The following NSD1 variants were observed in gnomAD, a reference collection of about 807,000 sequenced individuals.
NSD1 encodes nuclear receptor binding SET domain protein 1, also known as histone-lysine N-methyltransferase, H3 lysine-36 specific.
Under a neutral mutation model 242.7 loss-of-function variants are expected in NSD1, and 26 were observed. That is an observed-to-expected ratio of 0.11 (90% CI 0.08 to 0.15). The LOEUF is 0.15. Among genes scored for constraint, NSD1 ranks in the 10% least tolerant of loss-of-function variants. The pLI is 1.00. For missense variants in NSD1, 2,495 were observed against 3,272.8 expected (o/e 0.76, Z 5.80); for synonymous variants, 1,106 against 1,178.1 (o/e 0.94, Z 1.25).
chr5:177,240,509 C>T (rs866720943), intron 8 of NSD1, among the ~76,000 whole-genome samples: 2 of 151,914 alleles, frequency 1.3e-5, no homozygotes, highest in East Asian at 1.9e-4. Context: ...GTCAGGATAT[C>T]GAGACCATCC....
chr5:177,292,515 C>T (rs1342615959), intron 22 of NSD1, among the ~76,000 whole-genome samples: 1 of 152,102 alleles, frequency 6.6e-6, no homozygotes, highest in East Asian at 1.9e-4. Flanking sequence ...GGATTGAGAG[C>T]TGGGTTTTTG....
chr5:177,142,047 T>A (rs1169407750), intron 2 of NSD1, among the ~76,000 whole-genome samples: 1 of 152,218 alleles, frequency 6.6e-6, no homozygotes, highest in East Asian at 1.9e-4. Flanking sequence ...TTGGCCATGC[T>A]GGTCTCAAAC....
chr5:177,258,208 G>A (rs1305594851), intron 13 of NSD1, among the ~76,000 whole-genome samples: 3 of 150,490 alleles, frequency 2.0e-5, no homozygotes, highest in Admixed American at 2.0e-4. Context: ...TTGAACTCCC[G>A]ACCTCAGGTG....
intron 2 of NSD1, among the ~76,000 whole-genome samples, chr5:177,147,776 G>T (rs1310693417): frequency 6.6e-6 from 1 of 152,014 alleles, no homozygotes; most frequent in Non-Finnish European, 1.5e-5. Context: ...TTTTAGTAGA[G>T]ATGGGGTTTC....
chr5:177,297,434 G>A lies in NSD1; in HGVS notation c.*1975G>A. On this transcript the variant is annotated 3_prime_UTR_variant, in exon 23 of 23. Coordinates refer to ENST00000439151, the MANE Select transcript of NSD1 (RefSeq NM_022455.5). Reference sequence around the variant, plus strand: ...GTTCATTATATTAAGTATTTATCATGTGTGAGAATAATAAATATATAACTG... The same window carrying A: ...GTTCATTATATTAAGTATTTATCATATGTGAGAATAATAAATATATAACTG... 4.4e-6 allele frequency: 1 copy of A among 229,608 alleles called. No homozygotes were observed. Among genetic ancestry groups the A allele is most frequent in the Non-Finnish European group, 8.6e-6 (1 of 115,926 alleles). The allele number at this position is 229,608 out of a possible 1,614,324, so 14.2% of individuals were successfully genotyped here.
intron 14 of NSD1, among the ~76,000 whole-genome samples, chr5:177,266,951 G>A (rs990343254): frequency 6.6e-5 from 10 of 152,164 alleles, no homozygotes; most frequent in Non-Finnish European, 1.5e-4. Context: ...TGCAACTTCC[G>A]CCTCCCAGGT....
intron 2 of NSD1, among the ~76,000 whole-genome samples, chr5:177,185,831 T>A (rs1413234730): frequency 4.3e-4 from 39 of 91,082 alleles, no homozygotes; most frequent in African/African-American, 1.6e-3. Flanking sequence ...AATATATAAG[T>A]TTTATATATT....
intron 5 of NSD1, among the ~76,000 whole-genome samples, chr5:177,220,500 T>C (rs1477018094): frequency 6.6e-6 from 1 of 151,956 alleles, no homozygotes; most frequent in Non-Finnish European, 1.5e-5. Context: ...ATGGTTTTCA[T>C]TCACTCAACC....
At chr5:177,275,622 A>G (rs1034639855) in intron 17 of NSD1, among the ~76,000 whole-genome samples, 2 of 151,508 alleles carry the variant, frequency 1.3e-5, no homozygotes, top group Admixed American at 1.3e-4. Flanking sequence ...TTTAGTAGAG[A>G]TGGGGTTTCA....
intron 17 of NSD1, among the ~76,000 whole-genome samples, chr5:177,278,257 G>A (rs1758559055): frequency 6.6e-6 from 1 of 152,112 alleles, no homozygotes; most frequent in African/African-American, 2.4e-5. Context: ...TCAAGCACTT[G>A]CCACCATGCC....
intron 3 of NSD1, among the ~76,000 whole-genome samples, chr5:177,198,929 T>C (rs1762303060): frequency 6.6e-6 from 1 of 152,242 alleles, no homozygotes; most frequent in African/African-American, 2.4e-5. Flanking sequence ...CCCATACGTG[T>C]TTGCCTTAAG....
intron 20 of NSD1, among the ~76,000 whole-genome samples, chr5:177,288,336 T>C (rs1305009430): frequency 2.0e-5 from 3 of 152,252 alleles, no homozygotes; most frequent in African/African-American, 7.2e-5. Context: ...GTCTGTGACG[T>C]AGCTGGATCT....
At chr5:177,242,064 G>T (rs528053690) in intron 8 of NSD1, among the ~76,000 whole-genome samples, 2 of 151,848 alleles carry the variant, frequency 1.3e-5, no homozygotes, top group Non-Finnish European at 2.9e-5. Flanking sequence ...TATTCATATG[G>T]TATGATTGTT....
intron 2 of NSD1, among the ~76,000 whole-genome samples, chr5:177,143,008 CTT>C (rs1248167493): frequency 6.6e-6 from 1 of 152,150 alleles, no homozygotes; most frequent in Non-Finnish European, 1.5e-5. Context: ...TCTGATTCAT[CTT>C]TGCATCTTAA....
chr5:177,226,331 G>C (rs1028596103), intron 5 of NSD1, among the ~76,000 whole-genome samples: 6 of 152,130 alleles, frequency 3.9e-5, no homozygotes, highest in Non-Finnish European at 1.5e-5. Flanking sequence ...CACCGGGCCC[G>C]GCCAGTAGTG....
intron 2 of NSD1, chr5:177,136,243 T>C (rs1304997751): frequency 5.7e-6 from 3 of 522,478 alleles, no homozygotes; most frequent in Non-Finnish European, 1.0e-5. Flanking sequence ...TCCAAATAAC[T>C]CTTCATTGAG....
chr5:177,241,283 G>C (rs184852758), intron 8 of NSD1, among the ~76,000 whole-genome samples: 1 of 151,756 alleles, frequency 6.6e-6, no homozygotes, highest in East Asian at 1.9e-4. Flanking sequence ...GATCACTTGC[G>C]GTCAGGAGTT....
In NSD1 at chr5:177,282,449, G is replaced by A. The variant is rs754700857; in HGVS notation, c.5893-16G>A. 7 of 1,543,948 alleles carry A rather than the reference G, an allele frequency of 4.5e-6. No homozygotes were observed. The highest frequency in any genetic ancestry group is 1.7e-5 in the Admixed American group (1 of 59,940). ...TCCTTTTTTGCCATTAAGTCAGGAG[G>A]TATTTCTTGTTCTAGGGTGAATTTG... is the stretch of plus-strand genomic sequence containing the variant. On this transcript the variant is annotated splice_polypyrimidine_tract_variant and intron_variant, in intron 18 of 22. Coordinates refer to ENST00000439151, the MANE Select transcript of NSD1 (RefSeq NM_022455.5).
chr5:177,288,753 G>T, intron 20 of NSD1, 66 bp from the exon 21 acceptor site: 1 of 1,170,208 alleles, frequency 8.5e-7, no homozygotes, highest in Middle Eastern at 1.9e-4. Flanking sequence ...GGTATCCTTT[G>T]TAATTAATAC....
Sources: allele counts gnomAD v4.1 joint callset (sites outside exome capture counted in the v4.1 genomes callset), GRCh38; gene constraint gnomAD v4.1.1; transcripts MANE v1.5; gene names NCBI Gene and HGNC (gene_info 2026-07-23, HGNC 2026-07-21).